Variants in SULT2A1 observed in about 807,000 individuals in gnomAD.
The protein encoded by SULT2A1 is sulfotransferase family 2A member 1.
In SULT2A1, 43 loss-of-function variants were observed where a neutral mutation model predicts 33.9. The observed-to-expected ratio is 1.27, with a 90% CI of 1.00 to 1.64. The LOEUF (loss-of-function observed/expected upper bound fraction) is 1.64, where lower values mean the gene tolerates loss of function less well. Among genes scored for constraint, SULT2A1 ranks in the 40% most tolerant of loss-of-function variants. The pLI is 0.00. For missense variants in SULT2A1, 300 were observed against 335.1 expected (o/e 0.90, Z 0.82); for synonymous variants, 125 against 113.6 (o/e 1.10, Z -0.64).
At chr19:47,873,987 C>G (rs1193058459) in intron 5 of SULT2A1, among the ~76,000 whole-genome samples, 3 of 152,056 alleles carry the variant, frequency 2.0e-5, no homozygotes, top group Non-Finnish European at 4.4e-5. Flanking sequence ...ATCCCCAACC[C>G]CGTCCTTGTC....
At chr19:47,877,209 C>T (rs1176613923) in intron 4 of SULT2A1, among the ~76,000 whole-genome samples, 2 of 140,368 alleles carry the variant, frequency 1.4e-5, no homozygotes, top group East Asian at 4.0e-4. Flanking sequence ...GTTATTTTCT[C>T]TTTTATGTGA....
intron 5 of SULT2A1, 44 bp downstream of exon 5, chr19:47,874,613 C>G: frequency 6.5e-7 from 1 of 1,543,516 alleles, no homozygotes; most frequent in Non-Finnish European, 8.9e-7. Flanking sequence ...GGCATGCATG[C>G]CGTGTATTCT....
At chr19:47,875,221 C>A (rs1227405036) in intron 4 of SULT2A1, among the ~76,000 whole-genome samples, 1 of 147,648 alleles carries the variant, frequency 6.8e-6, no homozygotes, top group Non-Finnish European at 1.5e-5. Context: ...GAGGGAACCG[C>A]AGAATGAGGA....
rs373133162 is a variant in SULT2A1, at chr19:47,880,747, C to T, written c.472+1337G>A. Among the ~76,000 whole-genome samples the T allele has an allele frequency of 2.2e-4, 34 of 152,070 alleles. No individual in the cohort carries two copies. In the South Asian group the frequency reaches 2.9e-3, roughly 13 times the overall value. ...GACTACGGGCACATGCCACCACACT[C>T]GGCTAATTTTTTGTATTTTTAATAG... is the stretch of plus-strand genomic sequence containing the variant. On this transcript the variant is annotated intron_variant, in intron 3 of 5. Coordinates refer to ENST00000222002, the MANE Select transcript of SULT2A1 (RefSeq NM_003167.4).
At chr19:47,877,915 A>G (rs1968563399) in intron 4 of SULT2A1, among the ~76,000 whole-genome samples, 1 of 152,094 alleles carries the variant, frequency 6.6e-6, no homozygotes, top group Non-Finnish European at 1.5e-5. Context: ...CTCCGTCACT[A>G]TTCACTCCAG....
intron 2 of SULT2A1, 32 bp downstream of exon 2, chr19:47,883,545 G>T: frequency 6.3e-7 from 1 of 1,597,810 alleles, no homozygotes; most frequent in South Asian, 1.1e-5. Context: ...GAAAGGCACT[G>T]ATCAAACACG....
At chr19:47,877,575 G>C (rs1479012406) in intron 4 of SULT2A1, among the ~76,000 whole-genome samples, 2 of 142,298 alleles carry the variant, frequency 1.4e-5, no homozygotes, top group African/African-American at 5.2e-5. Flanking sequence ...TTTGAGACAG[G>C]GTCTCATTCT....
chr19:47,879,189 T>C lies in SULT2A1; in HGVS notation c.473-59A>G, dbSNP rs574303117. 26 of 970,832 alleles carry C rather than the reference T, an allele frequency of 2.7e-5. No individual in the cohort carries two copies. The African/African-American group carries it at 3.4e-4, about 13-fold the overall frequency. The allele number at this position is 970,832 out of a possible 1,614,324, so 60.1% of individuals were successfully genotyped here. A position where few individuals can be genotyped will look rare whatever the true frequency, so the allele number is the denominator to read the frequency against. On this transcript the variant is annotated intron_variant, in intron 3 of 5. Transcript: ENST00000222002. ...AAATTTTATGAGAGCAGGCATCCAG[T>C]CTATTATGTTCATCCCCCCACCGGC...
intron 5 of SULT2A1, 50 bp downstream of exon 5, chr19:47,874,607 T>C (rs372637258): frequency 1.4e-6 from 2 of 1,443,788 alleles, no homozygotes; most frequent in Middle Eastern, 1.8e-4. Context: ...ACCATAGGCA[T>C]GCATGCCGTG....
At chr19:47,884,479 T>C (rs1600042203) in intron 1 of SULT2A1, among the ~76,000 whole-genome samples, 1 of 728 alleles carries the variant, frequency 1.4e-3, no homozygotes, top group Non-Finnish European at 0.083. Flanking sequence ...CGCCTGGCTT[T>C]TTTTTTTTTT....
At chr19:47,874,436 A>G (rs529893221) in intron 5 of SULT2A1, among the ~76,000 whole-genome samples, 1 of 148,922 alleles carries the variant, frequency 6.7e-6, no homozygotes, top group East Asian at 2.1e-4. Context: ...GCTACTCGGG[A>G]GGCTGAGGCA....
In SULT2A1 at chr19:47,886,116, C is replaced by G; in HGVS notation, c.136+6G>C. ...CCTTTCTCAGTTCACGATTCTGCCT[C>G]CTTACCTGATTTGGGGTAAGTCAAT... On this transcript the variant is annotated splice_donor_region_variant and intron_variant, in intron 1 of 5. Transcript: ENST00000222002. 6.2e-7 allele frequency: 1 copy of G among 1,613,486 alleles called. No homozygotes were observed. The highest frequency in any genetic ancestry group is 8.5e-7 in the Non-Finnish European group (1 of 1,179,704).
chr19:47,880,093 C>T (rs568001864), intron 3 of SULT2A1, among the ~76,000 whole-genome samples: 7 of 151,732 alleles, frequency 4.6e-5, no homozygotes, highest in South Asian at 2.1e-4. Flanking sequence ...AAAAATTAGC[C>T]GGGTGTGATG....
At position 47,884,804 on chromosome 19, in the gene SULT2A1, C is replaced by CTTTTT. The variant is rs71181611; in HGVS notation, c.137-1024_137-1020dup. ...AGCCACTGCAGCCAGCTCTCAACCA[C>CTTTTT]TTTTTTTTTTTTTTTTTTTTTTTTT... On this transcript the variant is annotated intron_variant, in intron 1 of 5. Coordinates refer to ENST00000222002, the MANE Select transcript of SULT2A1 (RefSeq NM_003167.4). Among the ~76,000 whole-genome samples the CTTTTT allele has an allele frequency of 1.7e-3, 111 of 64,036 alleles. 25 individuals carry two copies. Among genetic ancestry groups the CTTTTT allele is most frequent in the African/African-American group, 7.1e-3 (104 of 14,734 alleles). The allele number at this position is 64,036 out of a possible 152,430, so 42.0% of individuals were successfully genotyped here. A position where few individuals can be genotyped will look rare whatever the true frequency, so the allele number is the denominator to read the frequency against.
chr19:47,876,825 A>G (rs1195098225), intron 4 of SULT2A1, among the ~76,000 whole-genome samples: 3 of 146,974 alleles, frequency 2.0e-5, no homozygotes, highest in Non-Finnish European at 4.5e-5. Flanking sequence ...CTGTAATCCT[A>G]GCACTTTGGG....
chr19:47,884,317 G>A (rs1438512826), intron 1 of SULT2A1, among the ~76,000 whole-genome samples: 4 of 150,320 alleles, frequency 2.7e-5, no homozygotes, highest in Non-Finnish European at 4.4e-5. Context: ...GACTACAGGC[G>A]CCCACCACCA....
chr19:47,882,248 G>C, intron 2 of SULT2A1, 38 bp from the exon 3 acceptor site: 1 of 1,595,032 alleles, frequency 6.3e-7, no homozygotes, highest in Non-Finnish European at 8.5e-7. Flanking sequence ...AATCAATACA[G>C]TCAATCCTCA....
At chr19:47,881,336 A>G (rs1038547371) in intron 3 of SULT2A1, among the ~76,000 whole-genome samples, 89 of 151,670 alleles carry the variant, frequency 5.9e-4, no homozygotes, top group African/African-American at 2.0e-3. Context: ...ATGGCCGGCT[A>G]ATTTTTTGTA....
chr19:47,877,552 CTTT>C (rs565116311), intron 4 of SULT2A1, among the ~76,000 whole-genome samples: 11 of 137,430 alleles, frequency 8.0e-5, no homozygotes, highest in Non-Finnish European at 7.9e-5. Context: ...CTTTTTCTTT[CTTT>C]TTTTTTTTTT....
Sources: allele counts gnomAD v4.1 joint callset (sites outside exome capture counted in the v4.1 genomes callset), GRCh38; gene constraint gnomAD v4.1.1; transcripts MANE v1.5; gene names NCBI Gene and HGNC (gene_info 2026-07-23, HGNC 2026-07-21).